Variants in DIP2C observed in about 807,000 individuals in gnomAD.
DIP2C encodes the protein disco-interacting protein 2 homolog C.
DIP2C carries 33 observed loss-of-function variants against 192.4 expected under a neutral mutation model. The ratio of observed to expected loss-of-function variants is 0.17; its 90% CI spans 0.13 to 0.23. The LOEUF is 0.23. Ranked by LOEUF, DIP2C falls within the 10% of genes least tolerant of loss-of-function variation. The probability of loss-of-function intolerance (pLI) is 1.00; values close to 1 mark genes in which losing one functional copy is unlikely to be tolerated. For missense variants in DIP2C, 1,537 were observed against 2,110.1 expected, an observed-to-expected ratio of 0.73 and a Z score of 5.32; for synonymous variants, 979 against 864.1, an observed-to-expected ratio of 1.13 and a Z score of -2.33.
At chr10:626,444 C>CCCCCATCCTCGGTGTTACCCTCCGT in intron 1 of DIP2C, among the ~76,000 whole-genome samples, 1 of 148,570 alleles carries the variant, frequency 6.7e-6, no homozygotes, top group South Asian at 2.1e-4. Context: ...TACCCTCCGT[C>CCCCCATCCTCGGTGTTACCCTCCGT]CCCCCGTCCC....
At chr10:400,767 C>T (rs541572032) in intron 9 of DIP2C, among the ~76,000 whole-genome samples, 8 of 146,024 alleles carry the variant, frequency 5.5e-5, no homozygotes, top group African/African-American at 2.0e-4. Context: ...GTTTGGTAAT[C>T]CTGTGATTTT....
chr10:550,632 C>T (rs898086114), intron 1 of DIP2C, among the ~76,000 whole-genome samples: 4 of 152,168 alleles, frequency 2.6e-5, no homozygotes, highest in Admixed American at 1.3e-4. Context: ...AACCGCAGAG[C>T]GTCTGCACTC....
chr10:572,556 T>G (rs1394528788), intron 1 of DIP2C, among the ~76,000 whole-genome samples: 1 of 152,184 alleles, frequency 6.6e-6, no homozygotes, highest in East Asian at 1.9e-4. Flanking sequence ...TAGTTTTCTA[T>G]TATTTGTCAC....
chr10:297,926 TA>T (rs1281021640), intron 32 of DIP2C, among the ~76,000 whole-genome samples: 1 of 152,250 alleles, frequency 6.6e-6, no homozygotes, highest in Non-Finnish European at 1.5e-5. Flanking sequence ...GTTAATTTTA[TA>T]AAAAGTTAAA....
intron 1 of DIP2C, among the ~76,000 whole-genome samples, chr10:550,726 C>T (rs1355963897): frequency 2.0e-5 from 3 of 152,172 alleles, no homozygotes; most frequent in Non-Finnish European, 2.9e-5. Flanking sequence ...TCTCCCCCTA[C>T]GATTTTGTGA....
intron 1 of DIP2C, among the ~76,000 whole-genome samples, chr10:583,489 A>C (rs1490822704): frequency 6.6e-6 from 1 of 152,250 alleles, no homozygotes; most frequent in Admixed American, 6.5e-5. Flanking sequence ...TTCAATGTTC[A>C]GATTTCAGTA....
At chr10:444,799 T>C (rs1329151115) in intron 3 of DIP2C, among the ~76,000 whole-genome samples, 2 of 152,258 alleles carry the variant, frequency 1.3e-5, no homozygotes, top group East Asian at 1.9e-4. Context: ...GGACAATGTA[T>C]GAATATATCA....
At chr10:532,616 AGAGAGAGTATGGGTGT>A in intron 1 of DIP2C, among the ~76,000 whole-genome samples, 2 of 114,266 alleles carry the variant, frequency 1.8e-5, no homozygotes, top group South Asian at 6.1e-4. Flanking sequence ...TATGGGTGTG[AGAGAGAGTATGGGTGT>A]GAGAGAGAGT....
chr10:605,769 C>G (rs937733219), intron 1 of DIP2C, among the ~76,000 whole-genome samples: 5 of 152,250 alleles, frequency 3.3e-5, no homozygotes, highest in African/African-American at 4.8e-5. Context: ...AAAATGCCTT[C>G]TCAGGGCTAT....
rs1274729083 is a variant in DIP2C at position 685,171 on chromosome 10, TATATATATATATATAC to T, written c.85+4307_85+4322del. 5.7e-3 allele frequency among the ~76,000 whole-genome samples: 104 copies of T among 18,138 alleles called. 2 individuals carry two copies. The highest frequency in any genetic ancestry group is 0.018 in the Admixed American group (20 of 1,088). 11.9% of individuals were successfully genotyped at this position (18,138 alleles called of 152,430 possible). A position where few individuals can be genotyped will look rare whatever the true frequency, so the allele number is the denominator to read the frequency against. ...AAAAAAAAAAAAAAAAATATATATA[TATATATATATATATAC>T]ATATATATATATATATATATAAACA... On this transcript the variant is annotated intron_variant, in intron 1 of 36. Transcript: ENST00000280886.
At chr10:327,464 T>C (rs1957325976) in intron 30 of DIP2C, among the ~76,000 whole-genome samples, 2 of 152,280 alleles carry the variant, frequency 1.3e-5, no homozygotes, top group South Asian at 4.1e-4. Flanking sequence ...AAAAGCAACT[T>C]CCTGGCTGAG....
rs141924221 is a variant in DIP2C at position 326,661 on chromosome 10, C to T, written c.3924+345G>A. On this transcript the variant is annotated intron_variant, in intron 31 of 36. Transcript: ENST00000280886. The stretch of plus-strand genomic sequence containing the variant: ...GTTCTTCCTACAGCGATCGTCTACA[C>T]GCGTGGGACTAAGTACTTCGAGGGA... Among the ~76,000 whole-genome samples, 150 of 152,338 alleles carry T rather than the reference C, an allele frequency of 9.8e-4. 1 individual carries two copies. The highest frequency in any genetic ancestry group is 3.1e-3 in the African/African-American group (128 of 41,580).
intron 3 of DIP2C, among the ~76,000 whole-genome samples, chr10:446,070 G>T (rs1179835541): frequency 6.6e-6 from 1 of 151,848 alleles, no homozygotes; most frequent in African/African-American, 2.4e-5. Context: ...AGGCCCACTG[G>T]GCATCTGTAT....
chr10:486,394 G>T, intron 2 of DIP2C, 65 bp downstream of exon 2: 1 of 1,437,428 alleles, frequency 7.0e-7, no homozygotes, highest in Non-Finnish European at 9.3e-7. Context: ...GCCTCCAGAT[G>T]TTTCTCTGGC....
rs769822763 is a variant in DIP2C at position 496,449 on chromosome 10, G to A, written c.86-9919C>T. 4.4e-5 allele frequency among the ~76,000 whole-genome samples: 6 copies of A among 135,940 alleles called. No individual in the cohort carries two copies. The South Asian group carries it at 7.3e-4, about 17-fold the overall frequency. The allele number at this position is 135,940 out of a possible 152,430, so 89.2% of individuals were successfully genotyped here. A position where few individuals can be genotyped will look rare whatever the true frequency, so the allele number is the denominator to read the frequency against. ...TGTACTTAAAATCTGTACATTACTC[G>A]CAATACCCCAAACAATGTGAGTGCT... On this transcript the variant is annotated intron_variant, in intron 1 of 36. Coordinates refer to ENST00000280886, the MANE Select transcript of DIP2C (RefSeq NM_014974.3).
At chr10:299,939 C>T (rs1478535955) in intron 32 of DIP2C, among the ~76,000 whole-genome samples, 4 of 152,148 alleles carry the variant, frequency 2.6e-5, no homozygotes, top group African/African-American at 9.7e-5. Flanking sequence ...ACTAGGAAAA[C>T]GCACACCAAA....
rs142512162 is a variant in DIP2C at position 385,006 on chromosome 10, C to A, written c.1663-367G>T. Among the ~76,000 whole-genome samples the A allele has an allele frequency of 6.1e-3, 893 of 146,750 alleles. 7 individuals are homozygous for A. Among genetic ancestry groups the A allele is most frequent in the Middle Eastern group, 0.027 (7 of 260 alleles). ...ACCAGGCTGCAAGGGCCCGGAAGAG[C>A]AGCAGGTCTCAGAGAGTGCCACGGA... On this transcript the variant is annotated intron_variant, in intron 14 of 36. Coordinates refer to ENST00000280886, the MANE Select transcript of DIP2C (RefSeq NM_014974.3).
chr10:414,757 A>ATATATATATAT (rs60489200), intron 7 of DIP2C, among the ~76,000 whole-genome samples: 17 of 69,598 alleles, frequency 2.4e-4, no homozygotes, highest in Admixed American at 4.9e-4. Context: ...ATATATATAT[A>ATATATATATAT]ATGTGTATAT....
chr10:343,859 C>T (rs969648366), intron 28 of DIP2C, among the ~76,000 whole-genome samples: 3 of 152,118 alleles, frequency 2.0e-5, no homozygotes, highest in Non-Finnish European at 2.9e-5. Context: ...GGAGATGAAC[C>T]GAAGAGTAAG....
Sources: allele counts gnomAD v4.1 joint callset (sites outside exome capture counted in the v4.1 genomes callset), GRCh38; gene constraint gnomAD v4.1.1; transcripts MANE v1.5; gene names NCBI Gene and HGNC (gene_info 2026-07-23, HGNC 2026-07-21).